Variants in SLU7 observed in about 807,000 individuals in gnomAD.
SLU7 encodes the protein pre-mRNA-splicing factor SLU7.
In SLU7, 60 loss-of-function variants were observed where a neutral mutation model predicts 87.0. That is an observed-to-expected ratio of 0.69 (90% CI 0.56 to 0.86). The LOEUF (loss-of-function observed/expected upper bound fraction) is 0.86. Ranked by LOEUF, SLU7 falls within the 40% of genes least tolerant of loss-of-function variation. SLU7 has a pLI of 0.00. For synonymous variants in SLU7, 197 were observed against 222.0 expected (o/e 0.89, Z 1.00); for missense variants, 507 against 686.6 (o/e 0.74, Z 2.92).
intron 1 of SLU7, among the ~76,000 whole-genome samples, chr5:160,416,415 A>G (rs193212178): frequency 2.4e-4 from 36 of 152,330 alleles, no homozygotes; most frequent in Non-Finnish European, 4.4e-5. Flanking sequence ...GTATTTTTCT[A>G]TTCAAGACTT....
At chr5:160,409,472 A>G (rs958591690) in intron 6 of SLU7, among the ~76,000 whole-genome samples, 1 of 152,228 alleles carries the variant, frequency 6.6e-6, no homozygotes, top group Non-Finnish European at 1.5e-5. Context: ...GTGTATGTAT[A>G]TATACTATAT....
At position 160,419,048 on chromosome 5, in the gene SLU7, G is replaced by A. The variant is rs1003761723; in HGVS notation, c.-42C>T. On this transcript the variant is annotated 5_prime_UTR_variant, in exon 1 of 16. Transcript: ENST00000297151. ...CCAGCCCCGCCGCAGCTAGCCCCAA[G>A]TCCATCCGACAGAATCCAAGCCAAT... 5.3e-5 allele frequency: 8 copies of A among 152,216 alleles called. No homozygotes were observed. Among genetic ancestry groups the A allele is most frequent in the Non-Finnish European group, 1.0e-4 (7 of 68,070 alleles). 9.4% of individuals were successfully genotyped at this position (152,216 alleles called of 1,614,324 possible).
In SLU7 at chr5:160,401,648, TAAGTA is replaced by T. The variant is rs1489746423; in HGVS notation, c.*1632_*1636del. ...AATAATGCTACAAACCACTCACAGT[TAAGTA>T]TTGTCATTTATGTATCTTTAACAAA... On this transcript the variant is annotated 3_prime_UTR_variant, in exon 16 of 16. Transcript: ENST00000297151. 2 of 152,210 alleles carry T rather than the reference TAAGTA, an allele frequency of 1.3e-5. No individual in the cohort carries two copies. Among genetic ancestry groups the T allele is most frequent in the African/African-American group, 4.8e-5 (2 of 41,446 alleles). 9.4% of individuals were successfully genotyped at this position (152,210 alleles called of 1,614,324 possible). A position where few individuals can be genotyped will look rare whatever the true frequency, so the allele number is the denominator to read the frequency against.
chr5:160,414,122 T>C (rs1765356734), intron 3 of SLU7, 143 bp from the exon 4 acceptor site: 3 of 684,592 alleles, frequency 4.4e-6, no homozygotes, highest in Non-Finnish European at 7.0e-6. Flanking sequence ...TTTATAAATG[T>C]GAAACTTTAA....
rs549861968 is a variant in SLU7, at chr5:160,407,429, A to C, written c.1125+47T>G. The C allele has an allele frequency of 9.0e-6, 14 of 1,552,610 alleles. No individual in the cohort carries two copies. Among genetic ancestry groups the C allele is most frequent in the Middle Eastern group, 3.4e-4 (2 of 5,860 alleles). ...TAAAACTAACGCTTATTAACTAGTA[A>C]CTTCTCTTTAACAGAAGTTCTTCTT... On this transcript the variant is annotated intron_variant, in intron 11 of 15. Transcript: ENST00000297151. The surrounding 1 kb of genome is among the most constrained non-coding windows in gnomAD (Gnocchi z 4.2).
intron 1 of SLU7, among the ~76,000 whole-genome samples, chr5:160,417,398 A>C (rs948403900): frequency 2.6e-5 from 4 of 152,226 alleles, no homozygotes; most frequent in Non-Finnish European, 5.9e-5. Context: ...TAGAAAAAAA[A>C]CAACTCTGTC....
At chr5:160,413,728 T>C in intron 4 of SLU7, 108 bp from the exon 5 acceptor site, 3 of 1,105,722 alleles carry the variant, frequency 2.7e-6, no homozygotes, top group Non-Finnish European at 3.9e-6. Flanking sequence ...AATTTACAGT[T>C]AGTCTTACAG....
intron 5 of SLU7, 69 bp from the exon 6 acceptor site, chr5:160,412,588 G>A: frequency 1.1e-6 from 1 of 898,066 alleles, no homozygotes; most frequent in South Asian, 1.7e-5. Flanking sequence ...CAACATTCAA[G>A]TCACCACCTA....
At chr5:160,415,870 G>A (rs991776175) in intron 1 of SLU7, among the ~76,000 whole-genome samples, 1 of 151,956 alleles carries the variant, frequency 6.6e-6, no homozygotes, top group Non-Finnish European at 1.5e-5. Context: ...TGACTTCCCT[G>A]ACACTACATT....
rs1764833875 is a variant in SLU7, at chr5:160,402,767, C to T, written c.*518G>A. 1 of 152,204 alleles carries T rather than the reference C, an allele frequency of 6.6e-6. No individual in the cohort carries two copies. Among genetic ancestry groups the T allele is most frequent in the African/African-American group, 2.4e-5 (1 of 41,436 alleles). The allele number at this position is 152,204 out of a possible 1,614,324, so 9.4% of individuals were successfully genotyped here. ...GCGCGGTGGCTCACGCCTGTAATCT[C>T]AGCACTTTGGGAGGCTGAGGCGGGT... On this transcript the variant is annotated 3_prime_UTR_variant, in exon 16 of 16. Coordinates refer to ENST00000297151, the MANE Select transcript of SLU7 (RefSeq NM_006425.5).
rs1171324682 is a variant in SLU7, at chr5:160,405,048, C to A, written c.1375G>T (p.Ala459Ser). The A allele has an allele frequency of 6.2e-7, 1 of 1,612,788 alleles. No homozygotes were observed. Residue 459 changes from alanine to serine, a missense_variant, in exon 13 of 16, where the codon GCT becomes TCT. Transcript: ENST00000297151. ...TTACTTACAACAATCTCCTTCCCAG[C>A]TTCTCCAGTACAATAGGAATACTTG... ...FFKYSYCTGE[A>S]GKEIVNSEEC...
Position 160,405,125 on chromosome 5 carries a change from C to T in SLU7, c.1298G>A (p.Gly433Glu), listed in dbSNP as rs138779314. The change falls in exon 13 of 16, where the codon GGA becomes GAA. Residue 433 changes from glycine (G) to glutamate (E), a missense_variant. Around this residue, in one of 6 missense-constraint regions of SLU7, gnomAD observed 201 missense variants for 213.4 expected, o/e 0.94. Coordinates refer to ENST00000297151, the MANE Select transcript of SLU7 (RefSeq NM_006425.5). ...VKIHNHTHIW[G>E]SYWKEGRWGY... is the part of the protein sequence containing the mutation. ...CCATCGGCCTTCTTTCCAGTACGAT[C>T]CCCAGATATGCTGCAGAGAGAGAAA... 68 of 1,609,742 alleles carry T rather than the reference C, an allele frequency of 4.2e-5. No homozygotes were observed. In the African/African-American group the frequency reaches 7.9e-4, roughly 19 times the overall value.
At chr5:160,410,091 G>T (rs1297480215) in intron 6 of SLU7, among the ~76,000 whole-genome samples, 1 of 152,014 alleles carries the variant, frequency 6.6e-6, no homozygotes. Context: ...AAAAAAGAAG[G>T]TAATAAATGA....
Position 160,407,921 on chromosome 5 carries a change from C to G in SLU7, c.917+50G>C. On this transcript the variant is annotated intron_variant, in intron 9 of 15. Coordinates refer to ENST00000297151, the MANE Select transcript of SLU7 (RefSeq NM_006425.5). The surrounding 1 kb of genome is among the most constrained non-coding windows in gnomAD (Gnocchi z 4.2). ...CACCATCTATGGTCAGGTCAGAAAA[C>G]AATTAACTTTCTCTCATCTTAAAAT... 1 of 1,502,646 alleles carries G rather than the reference C, an allele frequency of 6.7e-7. No individual in the cohort carries two copies. Among genetic ancestry groups the G allele is most frequent in the South Asian group, 1.1e-5 (1 of 88,270 alleles). The allele number at this position is 1,502,646 out of a possible 1,614,324, so 93.1% of individuals were successfully genotyped here. A position where few individuals can be genotyped will look rare whatever the true frequency, so the allele number is the denominator to read the frequency against.
intron 15 of SLU7, 61 bp from the exon 16 acceptor site, chr5:160,403,525 G>C (rs1764875470): frequency 7.0e-7 from 1 of 1,437,172 alleles, no homozygotes; most frequent in African/African-American, 1.4e-5. Context: ...TTCTTCAAAA[G>C]TGGCAGAGTA....
intron 1 of SLU7, chr5:160,418,740 C>T (rs1765559350): frequency 6.6e-6 from 1 of 152,228 alleles, no homozygotes; most frequent in Non-Finnish European, 1.5e-5. Context: ...TTTCCCTGCT[C>T]GCAGTCCGGG....
At chr5:160,408,116 A>C (rs1317995980) in intron 8 of SLU7, 48 bp from the exon 9 acceptor site, 2 of 1,351,870 alleles carry the variant, frequency 1.5e-6, no homozygotes, top group Admixed American at 3.4e-5. Flanking sequence ...CACAGCAAAA[A>C]GATTTCAGCA....
In SLU7 at chr5:160,407,502, G is replaced by T; in HGVS notation, c.1099C>A (p.Gln367Lys). Reference protein sequence around the residue: ...FKVKKEDFKEQQKESILEKYG... With the variant: ...FKVKKEDFKEKQKESILEKYG... ...TTTTCCAGGATGCTTTCTTTCTGCT[G>T]TTCTTTGAAATCTTCTTTTTTGACT... Residue 367 changes from glutamine to lysine, a missense_variant, in exon 11 of 16, where the codon CAG becomes AAG. By Grantham distance (53) the Gln-to-Lys change is moderately conservative. Around this residue, in one of 6 missense-constraint regions of SLU7, gnomAD observed 43 missense variants for 58.4 expected, o/e 0.74. Transcript: ENST00000297151. The surrounding 1 kb of genome is among the most constrained non-coding windows in gnomAD (Gnocchi z 4.2). The T allele has an allele frequency of 6.2e-7, 1 of 1,610,884 alleles. No individual in the cohort carries two copies. The highest frequency in any genetic ancestry group is 1.1e-5 in the South Asian group (1 of 90,096).
intron 1 of SLU7, among the ~76,000 whole-genome samples, chr5:160,418,166 G>A (rs985278741): frequency 2.6e-5 from 4 of 152,196 alleles, no homozygotes; most frequent in Non-Finnish European, 2.9e-5. Context: ...ACTGCGAAGA[G>A]AAGCACAACA....
Sources: gnomAD v4.1 joint callset for allele counts (sites outside exome capture counted in the v4.1 genomes callset) on GRCh38, gnomAD v4.1.1 for gene constraint, gnomAD v4.1.1 regional missense constraint, Gnocchi (gnomAD v3.1) non-coding constraint, MANE v1.5 for transcripts, NCBI Gene and HGNC (gene_info 2026-07-23, HGNC 2026-07-21) for gene names.